The following RHOA variants were observed in gnomAD, a reference collection of about 807,000 sequenced individuals.
RHOA encodes ras homolog family member A, also known as transforming protein RhoA.
In RHOA, 3 loss-of-function variants were observed where a neutral mutation model predicts 17.5. The ratio of observed to expected loss-of-function variants is 0.17; its 90% CI spans 0.08 to 0.44. RHOA has a LOEUF of 0.44. Among genes scored for constraint, RHOA ranks in the 20% least tolerant of loss-of-function variants. The pLI is 0.99. For synonymous variants in RHOA, 98 were observed against 88.4 expected, an observed-to-expected ratio of 1.11 and a Z score of -0.61; for missense variants, 56 against 242.3, an observed-to-expected ratio of 0.23 and a Z score of 5.10.
At chr3:49,395,845 G>A (rs1443368725) in intron 1 of RHOA, among the ~76,000 whole-genome samples, 2 of 152,180 alleles carry the variant, frequency 1.3e-5, no homozygotes, top group African/African-American at 4.8e-5. Flanking sequence ...AATGGAAGGG[G>A]AGGTGGAATG....
intron 3 of RHOA, among the ~76,000 whole-genome samples, chr3:49,366,403 G>C (rs1434068735): frequency 1.3e-5 from 2 of 152,156 alleles, no homozygotes; most frequent in Non-Finnish European, 2.9e-5. Context: ...AGAAGTTTGA[G>C]AGAAGCCTGG....
chr3:49,375,088 C>T (rs1035540983), intron 2 of RHOA, among the ~76,000 whole-genome samples: 4 of 151,862 alleles, frequency 2.6e-5, no homozygotes, highest in African/African-American at 9.7e-5. Flanking sequence ...CTGGTGAAAC[C>T]CCATCTCTAC....
intron 1 of RHOA, among the ~76,000 whole-genome samples, chr3:49,385,112 T>C (rs190382825): frequency 1.3e-5 from 2 of 152,020 alleles, no homozygotes; most frequent in Non-Finnish European, 2.9e-5. Context: ...CTTGCTGTGT[T>C]GCCCTGGCTA....
chr3:49,406,316 T>C (rs541535171), intron 1 of RHOA, among the ~76,000 whole-genome samples: 1 of 152,292 alleles, frequency 6.6e-6, no homozygotes, highest in African/African-American at 2.4e-5. Flanking sequence ...TCACAACTCA[T>C]CTGCAACATA....
chr3:49,390,978 G>C (rs902407397), intron 1 of RHOA, among the ~76,000 whole-genome samples: 2 of 151,878 alleles, frequency 1.3e-5, no homozygotes, highest in African/African-American at 2.4e-5. Context: ...CAGCACTTTG[G>C]GAGGCTGAGG....
chr3:49,398,929 C>T (rs576523577), intron 1 of RHOA, among the ~76,000 whole-genome samples: 7 of 147,664 alleles, frequency 4.7e-5, no homozygotes, highest in East Asian at 2.0e-4. Context: ...TGGTGGCTCA[C>T]GCCTGTAATC....
intron 1 of RHOA, among the ~76,000 whole-genome samples, chr3:49,390,291 C>A (rs533710581): frequency 6.6e-6 from 1 of 152,078 alleles, no homozygotes; most frequent in South Asian, 2.1e-4. Context: ...CCCGCCACCA[C>A]GCCCAGCTAA....
At chr3:49,408,161 A>G (rs920017102) in intron 1 of RHOA, among the ~76,000 whole-genome samples, 3 of 36,138 alleles carry the variant, frequency 8.3e-5, no homozygotes, top group African/African-American at 2.8e-4. Context: ...TCAGTCTCAA[A>G]AGAGAAAAAA....
chr3:49,375,103 C>A (rs555444468), intron 2 of RHOA, among the ~76,000 whole-genome samples: 1 of 151,746 alleles, frequency 6.6e-6, no homozygotes, highest in Non-Finnish European at 1.5e-5. Context: ...CTCTACTAAA[C>A]GAAAAATGAG....
At chr3:49,401,855 AATGTC>A (rs1334772894) in intron 1 of RHOA, among the ~76,000 whole-genome samples, 2 of 152,194 alleles carry the variant, frequency 1.3e-5, no homozygotes, top group Non-Finnish European at 2.9e-5. Context: ...ATTTCCTTTG[AATGTC>A]ATGCCAGCGC....
At chr3:49,408,773 G>A (rs1188647976) in intron 1 of RHOA, among the ~76,000 whole-genome samples, 1 of 150,644 alleles carries the variant, frequency 6.6e-6, no homozygotes, top group Non-Finnish European at 1.5e-5. Flanking sequence ...AAATGGCAGA[G>A]TCAGACAAAA....
chr3:49,365,511 AC>A (rs966881463), intron 3 of RHOA, among the ~76,000 whole-genome samples: 1 of 148,906 alleles, frequency 6.7e-6, no homozygotes, highest in Non-Finnish European at 1.5e-5. Flanking sequence ...CCAATAGTCT[AC>A]CCCCTTCCTG....
intron 1 of RHOA, among the ~76,000 whole-genome samples, chr3:49,383,585 T>G (rs1324655529): frequency 6.6e-6 from 1 of 152,128 alleles, no homozygotes; most frequent in African/African-American, 2.4e-5. Flanking sequence ...CACCTTCCCC[T>G]CTGCACTTTC....
intron 1 of RHOA, among the ~76,000 whole-genome samples, chr3:49,380,361 T>C (rs2048296298): frequency 6.6e-6 from 1 of 152,088 alleles, no homozygotes. Context: ...GACTGTCTTA[T>C]TTAAGGTGGT....
At chr3:49,409,080 G>A (rs766067760) in intron 1 of RHOA, among the ~76,000 whole-genome samples, 1 of 149,570 alleles carries the variant, frequency 6.7e-6, no homozygotes, top group Non-Finnish European at 1.5e-5. Flanking sequence ...GAACCACCGC[G>A]CCCTGCCAGG....
intron 2 of RHOA, among the ~76,000 whole-genome samples, chr3:49,371,795 C>T (rs1213618697): frequency 6.6e-6 from 1 of 152,202 alleles, no homozygotes; most frequent in Non-Finnish European, 1.5e-5. Flanking sequence ...TACTCACAGA[C>T]CATGCCTCAA....
intron 2 of RHOA, among the ~76,000 whole-genome samples, chr3:49,372,348 T>C (rs1465843449): frequency 1.3e-5 from 2 of 152,318 alleles, no homozygotes; most frequent in South Asian, 4.1e-4. Flanking sequence ...TGGTATTTGT[T>C]GTATTTTTTC....
intron 1 of RHOA, among the ~76,000 whole-genome samples, chr3:49,407,232 G>GTTTTTTTTT (rs61556875): frequency 1.4e-4 from 10 of 70,066 alleles, no homozygotes; most frequent in Non-Finnish European, 2.0e-4. Context: ...AATCCTTTCC[G>GTTTTTTTTT]TTTTTTTTTT....
chr3:49,393,729 T>TGGGA (rs1553635013), intron 1 of RHOA, among the ~76,000 whole-genome samples: 4 of 136,842 alleles, frequency 2.9e-5, no homozygotes, highest in African/African-American at 1.1e-4. Context: ...TGTGTGTGTG[T>TGGGA]GACAGAATCT....
Sources: gnomAD v4.1 joint callset for allele counts (sites outside exome capture counted in the v4.1 genomes callset) on GRCh38, gnomAD v4.1.1 for gene constraint, MANE v1.5 for transcripts, NCBI Gene and HGNC (gene_info 2026-07-23, HGNC 2026-07-21) for gene names.